IQCH: variants seen among roughly 807,000 people sequenced by gnomAD.
IQCH encodes the protein IQ domain-containing protein H.
A neutral mutation model predicts 117.0 loss-of-function variants in IQCH; 98 were observed. The observed-to-expected ratio is 0.84, with a 90% CI of 0.71 to 0.99. The LOEUF is 0.99. Ranked by LOEUF, IQCH falls within the 50% of genes least tolerant of loss-of-function variation. The pLI, the probability that IQCH is intolerant of heterozygous loss-of-function variation, is 0.00. For synonymous variants in IQCH, 412 were observed against 448.2 expected (o/e 0.92, Z 1.02); for missense variants, 1,102 against 1,243.8 (o/e 0.89, Z 1.72).
chr15:67,322,520 C>A (rs1157175890), intron 4 of IQCH, among the ~76,000 whole-genome samples: 1 of 152,126 alleles, frequency 6.6e-6, no homozygotes, highest in African/African-American at 2.4e-5. Flanking sequence ...TGACACAGGA[C>A]TTTCCTTGTC....
At chr15:67,464,163 A>T (rs576320766) in intron 16 of IQCH, among the ~76,000 whole-genome samples, 1 of 152,148 alleles carries the variant, frequency 6.6e-6, no homozygotes, top group Admixed American at 6.5e-5. Context: ...GCCTATGCCT[A>T]TTTACCTTTG....
At chr15:67,377,140 GA>G (rs1158585994) in intron 10 of IQCH, among the ~76,000 whole-genome samples, 1 of 146,272 alleles carries the variant, frequency 6.8e-6, no homozygotes, top group Non-Finnish European at 1.5e-5. Flanking sequence ...AAGAAAAAAA[GA>G]AAAAAAGAAA....
intron 15 of IQCH, among the ~76,000 whole-genome samples, chr15:67,420,302 T>TGAGCCCAA (rs2081700467): frequency 6.6e-6 from 1 of 152,206 alleles, no homozygotes; most frequent in Non-Finnish European, 1.5e-5. Flanking sequence ...TTTTTTTCTT[T>TGAGCCCAA]GTATGCTATT....
chr15:67,487,616 C>T (rs2083526906), intron 18 of IQCH, among the ~76,000 whole-genome samples: 2 of 152,060 alleles, frequency 1.3e-5, no homozygotes, highest in Admixed American at 1.3e-4. Flanking sequence ...CTCAGCATGG[C>T]CCTACGCCCA....
intron 16 of IQCH, among the ~76,000 whole-genome samples, chr15:67,450,665 G>T (rs1034337869): frequency 1.3e-5 from 2 of 152,168 alleles, no homozygotes; most frequent in African/African-American, 4.8e-5. Flanking sequence ...GTTCATCAAG[G>T]ATATTGGTCT....
chr15:67,499,046 C>G (rs553638215), intron 20 of IQCH, among the ~76,000 whole-genome samples: 8 of 152,182 alleles, frequency 5.3e-5, no homozygotes, highest in African/African-American at 1.9e-4. Context: ...CCTGTAATCC[C>G]AGCACTTTGG....
chr15:67,292,861 G>A (rs988147055), intron 4 of IQCH, among the ~76,000 whole-genome samples: 1 of 152,112 alleles, frequency 6.6e-6, no homozygotes, highest in Non-Finnish European at 1.5e-5. Context: ...TTCCCCAAAT[G>A]ACTTTTACTC....
chr15:67,426,401 G>C lies in IQCH; in HGVS notation c.2505+4824G>C, dbSNP rs190187664. Reference sequence around the variant, plus strand: ...ATCCAGCACCTCAAGGTTCTTTCTAGAATTCCCCTTTTCCACACTTAAAAG... The same window carrying C: ...ATCCAGCACCTCAAGGTTCTTTCTACAATTCCCCTTTTCCACACTTAAAAG... On this transcript the variant is annotated intron_variant, in intron 16 of 20. Coordinates refer to ENST00000335894, the MANE Select transcript of IQCH (RefSeq NM_001031715.3). This position sits in a 1 kb window ranked among gnomAD's most constrained non-coding sequence, Gnocchi z 5.1. 6.9e-4 allele frequency among the ~76,000 whole-genome samples: 105 copies of C among 152,156 alleles called. 1 individual carries two copies. Among genetic ancestry groups the C allele is most frequent in the African/African-American group, 2.5e-3 (103 of 41,502 alleles).
chr15:67,388,167 A>G lies in IQCH; in HGVS notation c.1457-664A>G, dbSNP rs12101400. Among the ~76,000 whole-genome samples the G allele has an allele frequency of 5.3e-3, 808 of 152,352 alleles. 9 individuals carry two copies. The highest frequency in any genetic ancestry group is 0.018 in the African/African-American group (758 of 41,582). On this transcript the variant is annotated intron_variant, in intron 11 of 20. Transcript: ENST00000335894. The surrounding 1 kb of genome is among the most constrained non-coding windows in gnomAD (Gnocchi z 5.5). ...CTATTCCATTTGGATGGGATATTTA[A>G]TTAGGGTTTCTTGCTATGTTACATG...
intron 6 of IQCH, among the ~76,000 whole-genome samples, chr15:67,355,344 T>C (rs1969845847): frequency 6.6e-6 from 1 of 152,080 alleles, no homozygotes; most frequent in Admixed American, 6.6e-5. Context: ...GCCAGCACTT[T>C]GGGAGGCTGA....
rs1971245927 is a variant in IQCH at position 67,390,391 on chromosome 15, C to T, written c.1632+1385C>T. ...GGAGTTTCTGCACATCTGAAATGCC[C>T]ATATACATTAAAGAGGCATAGAATG... On this transcript the variant is annotated intron_variant, in intron 12 of 20. Coordinates refer to ENST00000335894, the MANE Select transcript of IQCH (RefSeq NM_001031715.3). The surrounding 1 kb of genome is among the most constrained non-coding windows in gnomAD (Gnocchi z 5.0). Among the ~76,000 whole-genome samples, 1 of 151,994 alleles carries T rather than the reference C, an allele frequency of 6.6e-6. No individual in the cohort carries two copies. The highest frequency in any genetic ancestry group is 1.5e-5 in the Non-Finnish European group (1 of 68,012).
rs927519938 is a variant in IQCH, at chr15:67,393,389, T to C, written c.1633-1902T>C. On this transcript the variant is annotated intron_variant, in intron 12 of 20. Coordinates refer to ENST00000335894, the MANE Select transcript of IQCH (RefSeq NM_001031715.3). The surrounding 1 kb of genome is among the most constrained non-coding windows in gnomAD (Gnocchi z 5.5). ...CACTTAGCATTTCTCCATATTTTTATGCTGCAGTGAGTAGATAATTTTTCA... is the reference window on the plus strand; with the variant it reads ...CACTTAGCATTTCTCCATATTTTTACGCTGCAGTGAGTAGATAATTTTTCA... 5.9e-5 allele frequency among the ~76,000 whole-genome samples: 9 copies of C among 152,228 alleles called. No homozygotes were observed. Among genetic ancestry groups the C allele is most frequent in the Non-Finnish European group, 2.9e-5 (2 of 68,034 alleles).
At chr15:67,289,701 A>G (rs924872082) in intron 4 of IQCH, among the ~76,000 whole-genome samples, 1 of 152,174 alleles carries the variant, frequency 6.6e-6, no homozygotes, top group African/African-American at 2.4e-5. Context: ...GTCAGAAGAA[A>G]TATCTGAGAA....
chr15:67,357,284 T>A, intron 6 of IQCH, 61 bp from the exon 7 acceptor site: 1 of 1,139,446 alleles, frequency 8.8e-7, no homozygotes, highest in South Asian at 1.2e-5. Context: ...CCCAATAGCA[T>A]CCAACCAGTG....
chr15:67,417,889 C>A lies in IQCH; in HGVS notation c.2218+838C>A, dbSNP rs1231493090. Among the ~76,000 whole-genome samples, 1 of 152,116 alleles carries A rather than the reference C, an allele frequency of 6.6e-6. No homozygotes were observed. Among genetic ancestry groups the A allele is most frequent in the Non-Finnish European group, 1.5e-5 (1 of 68,010 alleles). ...TGTCAAGTGATAATAATAATCTCAG[C>A]AATAATCAATAATGATAAGATAATG... is the stretch of plus-strand genomic sequence containing the variant. On this transcript the variant is annotated intron_variant, in intron 15 of 20. Transcript: ENST00000335894. This position sits in a 1 kb window ranked among gnomAD's most constrained non-coding sequence, Gnocchi z 4.3.
In IQCH at chr15:67,466,240, G is replaced by C. The variant is rs1347184020; in HGVS notation, c.2676+943G>C. On this transcript the variant is annotated intron_variant, in intron 17 of 20. Transcript: ENST00000335894. The surrounding 1 kb of genome is among the most constrained non-coding windows in gnomAD (Gnocchi z 4.4). ...CCATGGGGACAGTGGGTGCTTGATT[G>C]AGTAGGCTAGGTTGGTCATGGAGAG... Among the ~76,000 whole-genome samples the C allele has an allele frequency of 6.6e-6, 1 of 152,162 alleles. No homozygotes were observed. The highest frequency in any genetic ancestry group is 6.5e-5 in the Admixed American group (1 of 15,278).
chr15:67,306,060 A>G (rs753149940), intron 4 of IQCH, among the ~76,000 whole-genome samples: 5 of 152,084 alleles, frequency 3.3e-5, no homozygotes, highest in Admixed American at 6.6e-5. Context: ...TTGGATATAC[A>G]TTGTGTATAT....
intron 4 of IQCH, among the ~76,000 whole-genome samples, chr15:67,327,870 C>G (rs190003514): frequency 7.4e-4 from 112 of 152,254 alleles, no homozygotes; most frequent in Non-Finnish European, 1.2e-3. Context: ...GTCCTTCTTG[C>G]AATTTCCTCA....
intron 4 of IQCH, among the ~76,000 whole-genome samples, chr15:67,300,340 T>C (rs1445916737): frequency 1.3e-5 from 2 of 152,124 alleles, no homozygotes; most frequent in Admixed American, 6.6e-5. Context: ...ATACTTACCA[T>C]ACATTAGTCA....
Sources: allele counts gnomAD v4.1 joint callset (sites outside exome capture counted in the v4.1 genomes callset), GRCh38; gene constraint gnomAD v4.1.1; non-coding constraint Gnocchi (gnomAD v3.1); transcripts MANE v1.5; gene names NCBI Gene and HGNC (gene_info 2026-07-23, HGNC 2026-07-21).